TMEFF1: variants seen among roughly 807,000 people sequenced by gnomAD.
TMEFF1 encodes tomoregulin-1.
Under a neutral mutation model 47.5 loss-of-function variants are expected in TMEFF1, and 20 were observed. The ratio of observed to expected loss-of-function variants is 0.42; its 90% CI spans 0.30 to 0.61. TMEFF1 has a LOEUF of 0.61. Ranked by LOEUF, TMEFF1 falls within the 20% of genes least tolerant of loss-of-function variation. TMEFF1 has a pLI of 0.19. For missense variants in TMEFF1, 411 were observed against 471.1 expected, an observed-to-expected ratio of 0.87 and a Z score of 1.18; for synonymous variants, 162 against 166.3, an observed-to-expected ratio of 0.97 and a Z score of 0.20.
At chr9:100,526,250 T>C (rs1838251185) in intron 5 of TMEFF1, among the ~76,000 whole-genome samples, 1 of 152,196 alleles carries the variant, frequency 6.6e-6, no homozygotes, top group African/African-American at 2.4e-5. Context: ...TTGAAGCATG[T>C]AGAGTCTTCT....
At chr9:100,476,557 G>T (rs1837231913) in intron 1 of TMEFF1, among the ~76,000 whole-genome samples, 1 of 151,968 alleles carries the variant, frequency 6.6e-6, no homozygotes. Flanking sequence ...ACCATGCCGG[G>T]CTAATTTGTA....
At chr9:100,572,436 T>A in intron 8 of TMEFF1, 82 bp from the exon 9 acceptor site, 1 of 1,384,362 alleles carries the variant, frequency 7.2e-7, no homozygotes, top group Non-Finnish European at 9.4e-7. Flanking sequence ...ATTTTATTAC[T>A]ATTTTGTATT....
At chr9:100,519,647 CTTTTTTTTTTTTTTT>C (rs60569330) in intron 5 of TMEFF1, among the ~76,000 whole-genome samples, 3,655 of 65,300 alleles carry the variant, frequency 0.056, 110 homozygotes, top group Middle Eastern at 0.14. Flanking sequence ...TGCCCAGTGA[CTTTTTTTTTTTTTTT>C]TTTTTTTTTT....
chr9:100,554,299 C>A (rs979955060), intron 7 of TMEFF1, among the ~76,000 whole-genome samples: 1 of 152,120 alleles, frequency 6.6e-6, no homozygotes, highest in Non-Finnish European at 1.5e-5. Flanking sequence ...GAGCCAAGCG[C>A]TAAGATCAAT....
At chr9:100,508,254 C>T (rs1274438774) in intron 2 of TMEFF1, among the ~76,000 whole-genome samples, 2 of 152,066 alleles carry the variant, frequency 1.3e-5, no homozygotes, top group Non-Finnish European at 2.9e-5. Flanking sequence ...AAACTTTAGT[C>T]ATTTATGATA....
At chr9:100,566,391 GA>G (rs1374684708) in intron 8 of TMEFF1, among the ~76,000 whole-genome samples, 2 of 152,254 alleles carry the variant, frequency 1.3e-5, no homozygotes, top group East Asian at 3.9e-4. Flanking sequence ...GACCAAAGCT[GA>G]TCTCCTGATC....
chr9:100,487,815 C>T (rs1837479905), intron 1 of TMEFF1, among the ~76,000 whole-genome samples: 1 of 151,568 alleles, frequency 6.6e-6, no homozygotes, highest in African/African-American at 2.4e-5. Flanking sequence ...TCAGATTTAG[C>T]ACTTGGTCAA....
intron 3 of TMEFF1, among the ~76,000 whole-genome samples, chr9:100,513,093 T>A (rs371814479): frequency 6.6e-6 from 1 of 152,166 alleles, no homozygotes; most frequent in South Asian, 2.1e-4. Flanking sequence ...GATACAAAGA[T>A]GTATGAAATA....
chr9:100,511,129 G>T (rs72735153), intron 3 of TMEFF1, among the ~76,000 whole-genome samples: 2,409 of 152,248 alleles, frequency 0.016, 31 homozygotes, highest in Non-Finnish European at 0.023. Flanking sequence ...TATGTTTTTA[G>T]TCTAGTAGAC....
At chr9:100,524,347 G>A (rs1214483416) in intron 5 of TMEFF1, among the ~76,000 whole-genome samples, 1 of 152,212 alleles carries the variant, frequency 6.6e-6, no homozygotes, top group African/African-American at 2.4e-5. Context: ...AGTACCTTGT[G>A]TTAACCTAGC....
At chr9:100,533,144 C>T (rs577520814) in intron 5 of TMEFF1, among the ~76,000 whole-genome samples, 85 of 150,530 alleles carry the variant, frequency 5.6e-4, no homozygotes, top group South Asian at 1.5e-3. Flanking sequence ...TGCTAGATGA[C>T]GATTTAGTGG....
chr9:100,573,537 TC>T (rs1420882635), intron 9 of TMEFF1, among the ~76,000 whole-genome samples: 1 of 152,212 alleles, frequency 6.6e-6, no homozygotes, highest in Non-Finnish European at 1.5e-5. Context: ...CTAATGCTTT[TC>T]TTCCTGCTTA....
intron 2 of TMEFF1, among the ~76,000 whole-genome samples, chr9:100,505,081 G>A (rs151115205): frequency 6.6e-6 from 1 of 152,226 alleles, no homozygotes; most frequent in Non-Finnish European, 1.5e-5. Flanking sequence ...ACAGTCATCA[G>A]ATGTTTGTGT....
intron 8 of TMEFF1, among the ~76,000 whole-genome samples, chr9:100,567,578 GT>G (rs1839147957): frequency 6.6e-6 from 1 of 152,156 alleles, no homozygotes; most frequent in African/African-American, 2.4e-5. Context: ...ACCACAGTAG[GT>G]GCTCAATAAT....
At chr9:100,549,912 C>T (rs1838800996) in intron 6 of TMEFF1, among the ~76,000 whole-genome samples, 183 bp from the exon 7 acceptor site, 2 of 152,060 alleles carry the variant, frequency 1.3e-5, no homozygotes, top group African/African-American at 4.8e-5. Context: ...AGCACTTATA[C>T]CTAGGATGCC....
intron 8 of TMEFF1, among the ~76,000 whole-genome samples, chr9:100,569,598 A>G (rs1248644882): frequency 3.3e-5 from 5 of 152,050 alleles, no homozygotes; most frequent in African/African-American, 1.2e-4. Context: ...TGTCATATCT[A>G]AGAAACTGTT....
chr9:100,543,240 T>G (rs867123974), intron 5 of TMEFF1, among the ~76,000 whole-genome samples: 3 of 152,214 alleles, frequency 2.0e-5, no homozygotes, highest in Non-Finnish European at 2.9e-5. Context: ...TGTCTCTTTT[T>G]TAAATATGCA....
chr9:100,496,034 C>T (rs561742687), intron 1 of TMEFF1, among the ~76,000 whole-genome samples: 6 of 152,216 alleles, frequency 3.9e-5, no homozygotes, highest in South Asian at 2.1e-4. Context: ...GTTGATGTGT[C>T]CCAGCTCCTT....
chr9:100,538,957 T>C (rs1013172586), intron 5 of TMEFF1, among the ~76,000 whole-genome samples: 1 of 151,860 alleles, frequency 6.6e-6, no homozygotes, highest in Non-Finnish European at 1.5e-5. Context: ...CAGGCTGGAG[T>C]GCACTGGCTC....
Sources: allele counts gnomAD v4.1 joint callset (sites outside exome capture counted in the v4.1 genomes callset), GRCh38; gene constraint gnomAD v4.1.1; transcripts MANE v1.5; gene names NCBI Gene and HGNC (gene_info 2026-07-23, HGNC 2026-07-21).